HPF1: variants seen among roughly 807,000 people sequenced by gnomAD.
The protein encoded by HPF1 is histone PARylation factor 1.
In HPF1, 35 loss-of-function variants were observed where a neutral mutation model predicts 38.8. The observed-to-expected ratio is 0.90, with a 90% CI of 0.69 to 1.19. HPF1 has a LOEUF of 1.19. Ranked by LOEUF, HPF1 falls within the 50% of genes most tolerant of loss-of-function variation. The probability of loss-of-function intolerance (pLI) is 0.00; values close to 1 mark genes in which losing one functional copy is unlikely to be tolerated. For missense variants in HPF1, 367 were observed against 405.8 expected (o/e 0.90, Z 0.82); for synonymous variants, 115 against 139.2 (o/e 0.83, Z 1.22).
At chr4:169,745,439 C>G (rs1166061286) in intron 4 of HPF1, among the ~76,000 whole-genome samples, 1 of 152,128 alleles carries the variant, frequency 6.6e-6, no homozygotes, top group African/African-American at 2.4e-5. Context: ...AATGGGTGAG[C>G]TTTCTAGCCA....
At position 169,739,889 on chromosome 4, in the gene HPF1, T is replaced by C. The variant is rs1284510611; in HGVS notation, c.648+2068A>G. On this transcript the variant is annotated intron_variant, in intron 5 of 7. Transcript: ENST00000393381. The stretch of plus-strand genomic sequence containing the variant: ...ATGAAAGAAAAAGACAGCAGTGCTA[T>C]AGTTGCCAGCTCAGGCTGAACAACA... Among the ~76,000 whole-genome samples, 3 of 152,258 alleles carry C rather than the reference T, an allele frequency of 2.0e-5. No homozygotes were observed. The East Asian group carries it at 5.8e-4, about 29-fold the overall frequency.
chr4:169,753,028 GTTTTTT>G (rs71590035), intron 2 of HPF1, among the ~76,000 whole-genome samples: 2 of 103,890 alleles, frequency 1.9e-5, no homozygotes, highest in Admixed American at 1.3e-4. Flanking sequence ...CCTTGGTTAG[GTTTTTT>G]TTTTTTTTTT....
chr4:169,750,728 A>G lies in HPF1; in HGVS notation c.209-3T>C. 2 of 1,584,252 alleles carry G rather than the reference A, an allele frequency of 1.3e-6. No homozygotes were observed. The highest frequency in any genetic ancestry group is 1.7e-6 in the Non-Finnish European group (2 of 1,163,758). Reference sequence around the variant, plus strand: ...TCCAAGGCTTGCAGAAAGTGAATCTATAAAGAAAATAAATTTAGACAATAC... The same window carrying G: ...TCCAAGGCTTGCAGAAAGTGAATCTGTAAAGAAAATAAATTTAGACAATAC... On this transcript the variant is annotated splice_polypyrimidine_tract_variant and splice_region_variant and intron_variant, in intron 2 of 7. Coordinates refer to ENST00000393381, the MANE Select transcript of HPF1 (RefSeq NM_017867.3).
chr4:169,757,855 C>A lies in HPF1; in HGVS notation c.23G>T (p.Arg8Leu), dbSNP rs949116425. MVGGGGK[R>L]RPGGEGPQCE... ...CTGCGGCCCCTCTCCGCCGGGCCTG[C>A]GCTTCCCGCCACCGCCGACCATTCT... Residue 8 changes from arginine (R) to leucine (L), a missense_variant, in exon 1 of 8, where the codon CGC (arginine) becomes CTC (leucine). Arg to Leu is a moderately radical substitution (Grantham distance 102). Coordinates refer to ENST00000393381, the MANE Select transcript of HPF1 (RefSeq NM_017867.3). The A allele has an allele frequency of 6.4e-7, 1 of 1,564,402 alleles. No individual in the cohort carries two copies. The highest frequency in any genetic ancestry group is 1.7e-4 in the Middle Eastern group (1 of 5,962).
At chr4:169,732,106 G>T in intron 6 of HPF1, 1 of 391,302 alleles carries the variant, frequency 2.6e-6, no homozygotes, top group Non-Finnish European at 4.5e-6. Flanking sequence ...CTTTATTAAC[G>T]ACTATTTCAC....
intron 4 of HPF1, among the ~76,000 whole-genome samples, chr4:169,742,993 C>T (rs1264998073): frequency 6.6e-6 from 1 of 150,718 alleles, no homozygotes; most frequent in Non-Finnish European, 1.5e-5. Context: ...CACAGCTACC[C>T]GGGAGGCTGG....
At chr4:169,729,763 G>A in intron 7 of HPF1, 54 bp from the exon 8 acceptor site, 1 of 1,260,166 alleles carries the variant, frequency 7.9e-7, no homozygotes, top group Non-Finnish European at 1.0e-6. Context: ...ATCCTAATAA[G>A]TAGCAGAAAA....
rs545917099 is a variant in HPF1, at chr4:169,735,125, C to T, written c.736+2535G>A. Reference sequence around the variant, plus strand: ...CTGGGTGACAAGAGCAAAATTCCATCTCAAAAAAAAAAAAAAAGAAGAAAG... The same window carrying T: ...CTGGGTGACAAGAGCAAAATTCCATTTCAAAAAAAAAAAAAAAGAAGAAAG... On this transcript the variant is annotated intron_variant, in intron 6 of 7. Transcript: ENST00000393381. Among the ~76,000 whole-genome samples, 6 of 130,724 alleles carry T rather than the reference C, an allele frequency of 4.6e-5. No individual in the cohort carries two copies. The South Asian group carries it at 1.4e-3, about 29-fold the overall frequency. The allele number at this position is 130,724 out of a possible 152,430, so 85.8% of individuals were successfully genotyped here.
At chr4:169,748,692 G>T in intron 4 of HPF1, 52 bp downstream of exon 4, 2 of 867,596 alleles carry the variant, frequency 2.3e-6, no homozygotes, top group South Asian at 3.5e-5. Flanking sequence ...CCTTTGTAAT[G>T]GACTAATGTA....
At chr4:169,747,712 C>T (rs1167991857) in intron 4 of HPF1, among the ~76,000 whole-genome samples, 1 of 152,204 alleles carries the variant, frequency 6.6e-6, no homozygotes, top group Non-Finnish European at 1.5e-5. Flanking sequence ...CTCTTTAGCT[C>T]AGGCTCCACA....
chr4:169,754,723 C>T (rs1321665992), intron 1 of HPF1, among the ~76,000 whole-genome samples: 3 of 151,966 alleles, frequency 2.0e-5, no homozygotes, highest in Admixed American at 6.6e-5. Flanking sequence ...TGATTTTGCC[C>T]CCCAGGGGAC....
chr4:169,735,778 C>A (rs1733883717), intron 6 of HPF1, among the ~76,000 whole-genome samples: 3 of 152,030 alleles, frequency 2.0e-5, no homozygotes, highest in African/African-American at 7.2e-5. Flanking sequence ...TGACCAGTAG[C>A]TAGGGCCCAC....
intron 2 of HPF1, among the ~76,000 whole-genome samples, chr4:169,752,680 T>C (rs1160681624): frequency 6.6e-6 from 1 of 152,244 alleles, no homozygotes; most frequent in Non-Finnish European, 1.5e-5. Context: ...AAAAATCTGC[T>C]TCATTCTTTT....
At chr4:169,738,099 C>G (rs1733921437) in intron 5 of HPF1, among the ~76,000 whole-genome samples, 2 of 152,150 alleles carry the variant, frequency 1.3e-5, no homozygotes, top group South Asian at 4.1e-4. Context: ...GTAGAAAGCA[C>G]AGAGGAACCT....
At chr4:169,742,649 G>A (rs866828290) in intron 4 of HPF1, among the ~76,000 whole-genome samples, 5 of 152,266 alleles carry the variant, frequency 3.3e-5, no homozygotes, top group East Asian at 3.9e-4. Context: ...AAAATTAGCC[G>A]GGCGTGATGG....
intron 6 of HPF1, among the ~76,000 whole-genome samples, chr4:169,736,628 A>G (rs1298338248): frequency 1.3e-5 from 2 of 152,348 alleles, no homozygotes; most frequent in East Asian, 3.9e-4. Flanking sequence ...GCAGATGTCC[A>G]GGTCACAACC....
chr4:169,741,855 G>C (rs1733973297), intron 5 of HPF1, 102 bp downstream of exon 5: 1 of 940,056 alleles, frequency 1.1e-6, no homozygotes, highest in Non-Finnish European at 1.6e-6. Context: ...CAGTTCTTAA[G>C]ATAGGACTAG....
At position 169,750,596 on chromosome 4, in the gene HPF1, G is replaced by C. The variant is rs1399327089; in HGVS notation, c.338C>G (p.Pro113Arg). ...TCCAATAATAATGGTCTGGAACTCA[G>C]GAGGATCATAGTAAAACCTCCAGTG... is the stretch of plus-strand genomic sequence containing the variant. ...NLHWRFYYDP[P>R]EFQTIIIGDN... is the part of the protein sequence containing the mutation. The change falls in exon 3 of 8, where the codon CCT becomes CGT. Residue 113 changes from proline (P) to arginine (R), a missense_variant. By Grantham distance (103) the Pro-to-Arg change is moderately radical (BLOSUM62 -2). Transcript: ENST00000393381. 2 of 1,613,432 alleles carry C rather than the reference G, an allele frequency of 1.2e-6. No homozygotes were observed. The highest frequency in any genetic ancestry group is 1.7e-6 in the Non-Finnish European group (2 of 1,179,712).
At chr4:169,750,283 G>A (rs1477175369) in intron 3 of HPF1, among the ~76,000 whole-genome samples, 4 of 152,000 alleles carry the variant, frequency 2.6e-5, no homozygotes, top group African/African-American at 9.7e-5. Context: ...ATCTTTCTTG[G>A]GCCAAAAGAG....
Sources: gnomAD v4.1 joint callset for allele counts (sites outside exome capture counted in the v4.1 genomes callset) on GRCh38, gnomAD v4.1.1 for gene constraint, MANE v1.5 for transcripts, NCBI Gene and HGNC (gene_info 2026-07-23, HGNC 2026-07-21) for gene names.